The following NEK10 variants were observed in gnomAD, a reference collection of about 807,000 sequenced individuals.
NEK10 encodes the protein NIMA related kinase 10.
In NEK10, 122 loss-of-function variants were observed where a neutral mutation model predicts 159.8. That is an observed-to-expected ratio of 0.76 (90% CI 0.66 to 0.89). NEK10 has a LOEUF of 0.89. NEK10 is among the 40% of genes least tolerant of loss of function. The pLI, the probability that NEK10 is intolerant of heterozygous loss-of-function variation, is 0.00. For missense variants in NEK10, 1,342 were observed against 1,323.1 expected (o/e 1.01, Z -0.22); for synonymous variants, 466 against 457.1 (o/e 1.02, Z -0.25).
chr3:27,317,033 T>C (rs1446328049), intron 6 of NEK10, among the ~76,000 whole-genome samples: 6 of 152,222 alleles, frequency 3.9e-5, no homozygotes, highest in Admixed American at 3.9e-4. Context: ...TGAGAAGTGC[T>C]GCTATAGAGT....
chr3:27,113,156 G>A (rs1040507706), intron 35 of NEK10, among the ~76,000 whole-genome samples: 8 of 152,052 alleles, frequency 5.3e-5, no homozygotes, highest in East Asian at 3.9e-4. Context: ...AAAGGGGGTC[G>A]GGTGTGGTGG....
chr3:27,350,701 T>G (rs1358218445), intron 3 of NEK10, among the ~76,000 whole-genome samples: 1 of 152,022 alleles, frequency 6.6e-6, no homozygotes, highest in East Asian at 1.9e-4. Flanking sequence ...TGAAAATTGG[T>G]TAAAGGGGGA....
intron 25 of NEK10, chr3:27,194,009 T>A (rs1575181710): frequency 6.6e-6 from 1 of 152,090 alleles, no homozygotes; most frequent in Non-Finnish European, 1.5e-5. Context: ...TACCTACCCA[T>A]AACCCAAAAT....
intron 30 of NEK10, among the ~76,000 whole-genome samples, chr3:27,150,862 A>C (rs73149298): frequency 6.6e-6 from 1 of 152,154 alleles, no homozygotes; most frequent in Admixed American, 6.5e-5. Context: ...AGATGTCATT[A>C]AAAACATGTA....
intron 23 of NEK10, among the ~76,000 whole-genome samples, chr3:27,237,644 T>C (rs1954085046): frequency 6.6e-6 from 1 of 151,828 alleles, no homozygotes; most frequent in African/African-American, 2.4e-5. Flanking sequence ...TTTTGGGAAC[T>C]CAGGAGGAAG....
At chr3:27,291,215 C>A in intron 18 of NEK10, 47 bp downstream of exon 18, 1 of 1,571,054 alleles carries the variant, frequency 6.4e-7, no homozygotes, top group Non-Finnish European at 8.6e-7. Context: ...AGTGTGACAT[C>A]CGGTTTGGTT....
At chr3:27,194,741 A>G (rs1949420709) in intron 25 of NEK10, 1 of 152,220 alleles carries the variant, frequency 6.6e-6, no homozygotes, top group African/African-American at 2.4e-5. Flanking sequence ...AGCACCAGGC[A>G]GCTTATGCAA....
At chr3:27,197,863 CG>C in intron 25 of NEK10, among the ~76,000 whole-genome samples, 1 of 151,528 alleles carries the variant, frequency 6.6e-6, no homozygotes. Flanking sequence ...TAGTTACATA[CG>C]TATACATGTG....
chr3:27,217,261 C>T lies in NEK10; in HGVS notation c.2091-14704G>A, dbSNP rs140854764. 3.5e-4 allele frequency among the ~76,000 whole-genome samples: 53 copies of T among 152,220 alleles called. 1 individual carries two copies. In the East Asian group the frequency reaches 9.6e-3, roughly 28 times the overall value. The stretch of plus-strand genomic sequence containing the variant: ...AAAACAAAGAAGAAAATCCTGTATT[C>T]GTCCACTCTCGCATTGCTATAAAGA... On this transcript the variant is annotated intron_variant, in intron 23 of 35. Transcript: ENST00000691995.
At position 27,304,933 on chromosome 3, in the gene NEK10, G is replaced by T; in HGVS notation, c.842C>A (p.Pro281His). Residue 281 changes from proline (P) to histidine (H), a missense_variant, in exon 12 of 36, where the codon CCC (proline) becomes CAC (histidine). By Grantham distance (77) the Pro-to-His change is moderately conservative. Transcript: ENST00000691995. Reference sequence around the variant, plus strand: ...GAGCTTCACCTGCTCTTTCACCTGGGGCTCTGCACAAAGTAGGCGCAGCAA... The same window carrying T: ...GAGCTTCACCTGCTCTTTCACCTGGTGCTCTGCACAAAGTAGGCGCAGCAA... ...AELLRLLCAEPQVKEQVKLYE... is the reference protein window; with the variant it reads ...AELLRLLCAEHQVKEQVKLYE... 1 of 1,613,334 alleles carries T rather than the reference G, an allele frequency of 6.2e-7. No individual in the cohort carries two copies. Among genetic ancestry groups the T allele is most frequent in the Non-Finnish European group, 8.5e-7 (1 of 1,179,726 alleles).
chr3:27,368,931 G>C (rs1176422360), intron 1 of NEK10: 4 of 152,258 alleles, frequency 2.6e-5, no homozygotes, highest in African/African-American at 9.7e-5. Context: ...GACACATTCA[G>C]GCTCCATTTA....
intron 23 of NEK10, among the ~76,000 whole-genome samples, chr3:27,231,728 C>T (rs1953298912): frequency 1.3e-5 from 2 of 151,498 alleles, no homozygotes; most frequent in African/African-American, 2.4e-5. Context: ...TTTACATGCA[C>T]AAATCAGGAA....
At chr3:27,345,193 C>A (rs1357151755) in intron 4 of NEK10, among the ~76,000 whole-genome samples, 3 of 152,206 alleles carry the variant, frequency 2.0e-5, no homozygotes, top group Non-Finnish European at 4.4e-5. Context: ...CCTTATGTTG[C>A]CATGCGTAAT....
intron 22 of NEK10, among the ~76,000 whole-genome samples, chr3:27,264,841 C>A (rs913075561): frequency 6.6e-6 from 1 of 151,686 alleles, no homozygotes; most frequent in Non-Finnish European, 1.5e-5. Flanking sequence ...TTGCAGTAAG[C>A]CAAGATCACA....
chr3:27,315,474 T>C (rs953728269), intron 6 of NEK10, among the ~76,000 whole-genome samples: 2 of 152,238 alleles, frequency 1.3e-5, no homozygotes, highest in African/African-American at 4.8e-5. Context: ...GACTACCTAC[T>C]AATTTGAAGC....
intron 10 of NEK10, 124 bp from the exon 11 acceptor site, chr3:27,308,069 A>G (rs1302502158): frequency 1.0e-5 from 6 of 583,802 alleles, no homozygotes; most frequent in Non-Finnish European, 1.8e-5. Flanking sequence ...AAAGAGGTTT[A>G]CTTGACTCAC....
chr3:27,292,740 A>C (rs35840701), intron 16 of NEK10, among the ~76,000 whole-genome samples: 23,020 of 148,426 alleles, frequency 0.16, 1,986 homozygotes, highest in Non-Finnish European at 0.2. Context: ...AGGCTGAGGC[A>C]GGAGAAGCAA....
chr3:27,305,079 G>C, intron 11 of NEK10, 108 bp from the exon 12 acceptor site: 1 of 711,848 alleles, frequency 1.4e-6, no homozygotes, highest in Non-Finnish European at 2.4e-6. Context: ...CTAACATTTT[G>C]TAAGTCATGG....
chr3:27,258,116 T>C (rs1490621872), intron 22 of NEK10, among the ~76,000 whole-genome samples: 2 of 151,978 alleles, frequency 1.3e-5, no homozygotes, highest in Admixed American at 6.6e-5. Context: ...TTCTTATCTA[T>C]AAAATAAGGA....
Sources: allele counts gnomAD v4.1 joint callset (sites outside exome capture counted in the v4.1 genomes callset), GRCh38; gene constraint gnomAD v4.1.1; transcripts MANE v1.5; gene names NCBI Gene and HGNC (gene_info 2026-07-23, HGNC 2026-07-21).